The following NCALD variants were observed in gnomAD, a reference collection of about 807,000 sequenced individuals.
NCALD encodes neurocalcin delta, also known as neurocalcin-delta.
In NCALD, 10 loss-of-function variants were observed where a neutral mutation model predicts 18.6. The ratio of observed to expected loss-of-function variants is 0.54; its 90% confidence interval spans 0.33 to 0.91. The LOEUF (loss-of-function observed/expected upper bound fraction) is 0.91. Ranked by LOEUF, NCALD falls within the 40% of genes least tolerant of loss-of-function variation. NCALD has a pLI of 0.03. For synonymous variants in NCALD, 88 were observed against 87.4 expected (o/e 1.01, Z -0.04); for missense variants, 184 against 247.6 (o/e 0.74, Z 1.72).
At chr8:101,877,166 T>A (rs1231932369) in intron 4 of NCALD, among the ~76,000 whole-genome samples, 1 of 152,228 alleles carries the variant, frequency 6.6e-6, no homozygotes, top group Non-Finnish European at 1.5e-5. Context: ...AGATTTGAAG[T>A]AAAACGCATC....
intron 3 of NCALD, among the ~76,000 whole-genome samples, chr8:101,896,629 T>C (rs1046850036): frequency 2.6e-5 from 4 of 151,974 alleles, no homozygotes; most frequent in Non-Finnish European, 5.9e-5. Context: ...GACAAAGGGC[T>C]AATATCCAGA....
intron 3 of NCALD, among the ~76,000 whole-genome samples, chr8:101,903,463 G>A (rs1424439346): frequency 6.6e-6 from 1 of 152,038 alleles, no homozygotes; most frequent in Non-Finnish European, 1.5e-5. Context: ...CCAAAGTGCT[G>A]GGGATTACAG....
Position 101,730,541 on chromosome 8 carries a change from A to T in NCALD, c.-19-10893T>A, listed in dbSNP as rs1816782683. On this transcript the variant is annotated intron_variant, in intron 1 of 3. Transcript: ENST00000220931. ...AAATTCCTCCATGTTATACATATAG[A>T]TGTAGCTCATTTACCCTTTCAAATT... Among the ~76,000 whole-genome samples, 3 of 150,964 alleles carry T rather than the reference A, an allele frequency of 2.0e-5. No homozygotes were observed. The South Asian group carries it at 6.3e-4, about 32-fold the overall frequency.
intron 2 of NCALD, among the ~76,000 whole-genome samples, chr8:101,998,361 C>T (rs1821315369): frequency 6.6e-6 from 1 of 152,220 alleles, no homozygotes; most frequent in Non-Finnish European, 1.5e-5. Context: ...CTGGTATTCC[C>T]TGTCTCTCCC....
At chr8:101,856,438 G>T (rs1815324543) in intron 4 of NCALD, among the ~76,000 whole-genome samples, 2 of 152,070 alleles carry the variant, frequency 1.3e-5, no homozygotes, top group Non-Finnish European at 2.9e-5. Flanking sequence ...TTCTCAAAGT[G>T]CAAAGACTCC....
At chr8:101,913,674 C>T (rs1817879271) in intron 3 of NCALD, among the ~76,000 whole-genome samples, 1 of 152,204 alleles carries the variant, frequency 6.6e-6, no homozygotes, top group Admixed American at 6.5e-5. Context: ...CCTCCGCCTC[C>T]TGGATTCAAG....
chr8:101,827,462 C>T (rs1391260107), intron 4 of NCALD, among the ~76,000 whole-genome samples: 1 of 152,328 alleles, frequency 6.6e-6, no homozygotes, highest in Non-Finnish European at 1.5e-5. Context: ...AGTCCCTGAA[C>T]AAATAGTACG....
At chr8:101,745,617 T>C (rs1048637073) in intron 1 of NCALD, among the ~76,000 whole-genome samples, 1 of 152,224 alleles carries the variant, frequency 6.6e-6, no homozygotes, top group Non-Finnish European at 1.5e-5. Context: ...GAGTGGGCCC[T>C]GCTTCCCTAA....
At chr8:102,008,417 T>C (rs142461633) in intron 2 of NCALD, among the ~76,000 whole-genome samples, 1 of 149,564 alleles carries the variant, frequency 6.7e-6, no homozygotes, top group Non-Finnish European at 1.5e-5. Context: ...TAATTAAGAA[T>C]GTGCCACTCC....
intron 2 of NCALD, among the ~76,000 whole-genome samples, chr8:101,707,712 C>G (rs1432190542): frequency 6.6e-6 from 1 of 152,032 alleles, no homozygotes. Flanking sequence ...TCTAAAACAA[C>G]AGATATGTAG....
intron 1 of NCALD, among the ~76,000 whole-genome samples, chr8:102,101,352 G>A (rs1449388901): frequency 6.6e-6 from 1 of 152,188 alleles, no homozygotes; most frequent in Non-Finnish European, 1.5e-5. Flanking sequence ...ATTTTAAAAA[G>A]TTTTTAAAAC....
intron 1 of NCALD, among the ~76,000 whole-genome samples, chr8:102,094,271 G>C (rs932605689): frequency 6.6e-6 from 1 of 152,202 alleles, no homozygotes; most frequent in South Asian, 2.1e-4. Context: ...ATTTAAAAGG[G>C]AAGTAGGAAA....
intron 1 of NCALD, among the ~76,000 whole-genome samples, chr8:101,726,019 G>A (rs1196985405): frequency 6.6e-6 from 1 of 152,134 alleles, no homozygotes. Flanking sequence ...AGGTCGCCAT[G>A]GAGATAACTG....
At chr8:101,875,247 C>T (rs988579044) in intron 4 of NCALD, among the ~76,000 whole-genome samples, 1 of 152,172 alleles carries the variant, frequency 6.6e-6, no homozygotes, top group Non-Finnish European at 1.5e-5. Context: ...TGGCAGAGTC[C>T]AGACACAGAT....
At chr8:101,987,279 C>A (rs770936033) in intron 2 of NCALD, among the ~76,000 whole-genome samples, 1 of 152,144 alleles carries the variant, frequency 6.6e-6, no homozygotes, top group East Asian at 1.9e-4. Context: ...TCAAAGTGCA[C>A]GTTTGATTAA....
intron 1 of NCALD, among the ~76,000 whole-genome samples, chr8:101,768,731 AAAAAAGAAAGAAAGCAAGAAAG>A: frequency 6.6e-6 from 1 of 151,656 alleles, no homozygotes; most frequent in Non-Finnish European, 1.5e-5. Flanking sequence ...AACAAAAAAA[AAAAAAGAAAGAAAGCAAGAAAG>A]AAAAAAGAAA....
intron 1 of NCALD, among the ~76,000 whole-genome samples, chr8:101,784,412 CT>C (rs1429177528): frequency 6.6e-6 from 1 of 152,146 alleles, no homozygotes; most frequent in Non-Finnish European, 1.5e-5. Context: ...ATTATTTCCA[CT>C]GTACTCTATC....
chr8:101,878,052 A>T (rs543474408), intron 4 of NCALD, among the ~76,000 whole-genome samples: 5 of 152,354 alleles, frequency 3.3e-5, no homozygotes, highest in African/African-American at 1.2e-4. Flanking sequence ...CACATGCTGT[A>T]TGTCCCAGAA....
chr8:101,891,134 T>C (rs527383524), intron 3 of NCALD, among the ~76,000 whole-genome samples: 2 of 152,192 alleles, frequency 1.3e-5, no homozygotes, highest in African/African-American at 2.4e-5. Context: ...CAAACCCATA[T>C]GTAATTTTTT....
Sources: gnomAD v4.1 joint callset for allele counts (sites outside exome capture counted in the v4.1 genomes callset) on GRCh38, gnomAD v4.1.1 for gene constraint, MANE v1.5 for transcripts, NCBI Gene and HGNC (gene_info 2026-07-23, HGNC 2026-07-21) for gene names.